Variants in PDSS2 observed in about 807,000 individuals in gnomAD.
PDSS2 encodes the protein all trans-polyprenyl-diphosphate synthase PDSS2.
PDSS2 carries 31 observed loss-of-function variants against 44.5 expected under a neutral mutation model. That is an observed-to-expected ratio of 0.70 (90% CI 0.52 to 0.94). The LOEUF is 0.94. PDSS2 is among the 40% of genes least tolerant of loss of function. The probability of loss-of-function intolerance (pLI) is 0.00; values close to 1 mark genes in which losing one functional copy is unlikely to be tolerated. For synonymous variants in PDSS2, 157 were observed against 180.3 expected (o/e 0.87, Z 1.03); for missense variants, 452 against 482.2 (o/e 0.94, Z 0.59).
At chr6:107,213,699 G>A (rs1773309757) in intron 4 of PDSS2, among the ~76,000 whole-genome samples, 1 of 152,136 alleles carries the variant, frequency 6.6e-6, no homozygotes, top group South Asian at 2.1e-4. Flanking sequence ...AGAGGTTGCA[G>A]TGAGTCGAGA....
At chr6:107,154,818 G>C in intron 7 of PDSS2, 41 bp from the exon 8 acceptor site, 4 of 1,581,876 alleles carry the variant, frequency 2.5e-6, no homozygotes, top group Non-Finnish European at 3.5e-6. Context: ...AGTTTTAAAG[G>C]TACACAGTAA....
At position 107,299,241 on chromosome 6, in the gene PDSS2, T is replaced by A. The variant is rs536678510; in HGVS notation, c.432-25014A>T. ...TCAGAACATTTTTTGAGATCCCAAA[T>A]TCAAATTCCAGTTGTGTCTTTTTTT... On this transcript the variant is annotated intron_variant, in intron 2 of 7. Transcript: ENST00000369037. Among the ~76,000 whole-genome samples the A allele has an allele frequency of 3.6e-4, 55 of 151,348 alleles. 1 individual carries two copies. The highest frequency in any genetic ancestry group is 3.4e-3 in the Middle Eastern group (1 of 290).
chr6:107,165,368 C>T (rs1554247334), intron 7 of PDSS2, among the ~76,000 whole-genome samples: 2 of 152,166 alleles, frequency 1.3e-5, no homozygotes, highest in African/African-American at 4.8e-5. Flanking sequence ...GATCCAGTTT[C>T]AGCTTTCTAC....
chr6:107,336,098 T>C (rs1013391303), intron 1 of PDSS2, among the ~76,000 whole-genome samples: 1 of 150,892 alleles, frequency 6.6e-6, no homozygotes, highest in Admixed American at 6.6e-5. Flanking sequence ...CTACTAAAAA[T>C]ACAAAAATTA....
At chr6:107,441,246 A>G (rs1242019961) in intron 1 of PDSS2, among the ~76,000 whole-genome samples, 1 of 152,198 alleles carries the variant, frequency 6.6e-6, no homozygotes. Flanking sequence ...CTTTCTAGAA[A>G]TTCAAATGCT....
At chr6:107,257,309 G>A (rs1486364669) in intron 3 of PDSS2, among the ~76,000 whole-genome samples, 1 of 150,638 alleles carries the variant, frequency 6.6e-6, no homozygotes, top group African/African-American at 2.4e-5. Flanking sequence ...GGGCTGAGGT[G>A]GGAGGATGGC....
At chr6:107,402,864 G>A (rs1780192166) in intron 1 of PDSS2, among the ~76,000 whole-genome samples, 1 of 151,972 alleles carries the variant, frequency 6.6e-6, no homozygotes, top group Admixed American at 6.6e-5. Flanking sequence ...TCCCACATTT[G>A]GGGATTATGG....
At chr6:107,310,793 A>G (rs990322057) in intron 2 of PDSS2, among the ~76,000 whole-genome samples, 2 of 152,040 alleles carry the variant, frequency 1.3e-5, no homozygotes, top group African/African-American at 2.4e-5. Flanking sequence ...TAATCTGTCT[A>G]TTGTCAGTTT....
chr6:107,186,550 A>G (rs1170351001), intron 7 of PDSS2, among the ~76,000 whole-genome samples: 1 of 152,066 alleles, frequency 6.6e-6, no homozygotes, highest in Non-Finnish European at 1.5e-5. Context: ...ACACAGGTAT[A>G]CATGTGCCAT....
chr6:107,386,929 A>G (rs1328487696), intron 1 of PDSS2, among the ~76,000 whole-genome samples: 1 of 152,234 alleles, frequency 6.6e-6, no homozygotes, highest in Non-Finnish European at 1.5e-5. Flanking sequence ...TGTCCCAGCT[A>G]TCCTTCTCCA....
intron 2 of PDSS2, among the ~76,000 whole-genome samples, chr6:107,303,574 T>C (rs915325932): frequency 3.9e-5 from 6 of 152,246 alleles, no homozygotes; most frequent in African/African-American, 1.4e-4. Flanking sequence ...AATGTGTTCA[T>C]ACTATACATA....
At chr6:107,387,967 T>C (rs1160227867) in intron 1 of PDSS2, among the ~76,000 whole-genome samples, 4 of 152,212 alleles carry the variant, frequency 2.6e-5, no homozygotes, top group Admixed American at 1.3e-4. Flanking sequence ...CATTACATGA[T>C]TCTCAATCCT....
At chr6:107,452,301 G>T (rs1781895976) in intron 1 of PDSS2, among the ~76,000 whole-genome samples, 1 of 151,324 alleles carries the variant, frequency 6.6e-6, no homozygotes, top group Non-Finnish European at 1.5e-5. Context: ...GCAGTGCCGC[G>T]ATCTCACTGC....
At position 107,272,323 on chromosome 6, in the gene PDSS2, T is replaced by C. The variant is rs543500506; in HGVS notation, c.630+1706A>G. Among the ~76,000 whole-genome samples, 8 of 152,308 alleles carry C rather than the reference T, an allele frequency of 5.3e-5. No homozygotes were observed. The East Asian group carries it at 1.2e-3, about 22-fold the overall frequency. ...GGATCCCAGGATAGCTGGCTTACAC[T>C]GAGACTCTCCTTTAGCAAACTAGGA... is the stretch of plus-strand genomic sequence containing the variant. On this transcript the variant is annotated intron_variant, in intron 3 of 7. Transcript: ENST00000369037.
At chr6:107,258,860 A>G (rs1380161648) in intron 3 of PDSS2, among the ~76,000 whole-genome samples, 1 of 152,216 alleles carries the variant, frequency 6.6e-6, no homozygotes, top group Non-Finnish European at 1.5e-5. Flanking sequence ...ATGTATTCCA[A>G]TATTTAGAAA....
chr6:107,452,179 C>A (rs541935993), intron 1 of PDSS2, among the ~76,000 whole-genome samples: 2 of 152,084 alleles, frequency 1.3e-5, no homozygotes, highest in South Asian at 4.2e-4. Context: ...CAGGCATGCA[C>A]CACCGCACAA....
chr6:107,255,090 C>T (rs976962032), intron 3 of PDSS2, among the ~76,000 whole-genome samples: 2 of 151,804 alleles, frequency 1.3e-5, no homozygotes, highest in Non-Finnish European at 2.9e-5. Flanking sequence ...AGGCTGGTCT[C>T]GAACTCCTGA....
rs558505396 is a variant in PDSS2 at position 107,382,790 on chromosome 6, T to C, written c.297-48458A>G. On this transcript the variant is annotated intron_variant, in intron 1 of 7. Transcript: ENST00000369037. ...ATGTCGAGGCTACAGTGAGCCATGA[T>C]TGTACCACTGTACCCCATCCTGAGT... Among the ~76,000 whole-genome samples, 210 of 152,176 alleles carry C rather than the reference T, an allele frequency of 1.4e-3. 3 individuals carry two copies. Among genetic ancestry groups the C allele is most frequent in the African/African-American group, 4.7e-3 (197 of 41,532 alleles).
chr6:107,357,100 C>T (rs149389996), intron 1 of PDSS2, among the ~76,000 whole-genome samples: 3 of 152,138 alleles, frequency 2.0e-5, no homozygotes, highest in Non-Finnish European at 2.9e-5. Flanking sequence ...TGACAGAAAA[C>T]GAGGAAACAA....
Sources: allele counts gnomAD v4.1 joint callset (sites outside exome capture counted in the v4.1 genomes callset), GRCh38; gene constraint gnomAD v4.1.1; transcripts MANE v1.5; gene names NCBI Gene and HGNC (gene_info 2026-07-23, HGNC 2026-07-21).